The following SNX10 variants were observed in gnomAD, a reference collection of about 807,000 sequenced individuals.
The protein encoded by SNX10 is sorting nexin-10.
A neutral mutation model predicts 28.5 loss-of-function variants in SNX10; 25 were observed. That is an observed-to-expected ratio of 0.88 (90% CI 0.64 to 1.22). SNX10 has a LOEUF of 1.22. Ranked by LOEUF, SNX10 falls within the 50% of genes most tolerant of loss-of-function variation. The pLI is 0.00. For missense variants in SNX10, 223 were observed against 242.6 expected (o/e 0.92, Z 0.54); for synonymous variants, 62 against 81.4 (o/e 0.76, Z 1.28).
chr7:26,370,052 C>T (rs1354196041), intron 5 of SNX10, among the ~76,000 whole-genome samples: 3 of 152,182 alleles, frequency 2.0e-5, no homozygotes, highest in Admixed American at 6.6e-5. Flanking sequence ...AAAGATTACC[C>T]ATTATTTTAT....
At chr7:26,366,283 T>C in intron 5 of SNX10, among the ~76,000 whole-genome samples, 1 of 152,202 alleles carries the variant, frequency 6.6e-6, no homozygotes, top group East Asian at 1.9e-4. Flanking sequence ...GGATATTAAG[T>C]ATGCACATTA....
At position 26,327,726 on chromosome 7, in the gene SNX10, C is replaced by CTTTTTTT. The variant is rs70943293; in HGVS notation, c.-23-18679_-23-18673dup. Among the ~76,000 whole-genome samples the CTTTTTTT allele has an allele frequency of 3.2e-3, 288 of 89,106 alleles. 7 individuals are homozygous for CTTTTTTT. Among genetic ancestry groups the CTTTTTTT allele is most frequent in the African/African-American group, 3.9e-3 (91 of 23,332 alleles). 58.5% of individuals were successfully genotyped at this position (89,106 alleles called of 152,430 possible). On this transcript the variant is annotated intron_variant, in intron 1 of 6. Coordinates refer to ENST00000338523, the MANE Select transcript of SNX10 (RefSeq NM_013322.3). Reference sequence around the variant, plus strand: ...ATTGTATTCATTCATGCATTCTTTTCTTTTTTTTTTTTTTTTTTTTTGAGA... The same window carrying CTTTTTTT: ...ATTGTATTCATTCATGCATTCTTTTCTTTTTTTTTTTTTTTTTTTTTTTTTTTTGAGA...
At chr7:26,370,822 TGTTA>T (rs1376416284) in intron 5 of SNX10, 5 of 152,186 alleles carry the variant, frequency 3.3e-5, no homozygotes, top group Non-Finnish European at 5.9e-5. Context: ...GGTTTTAGTG[TGTTA>T]GTTTTGTCCC....
At chr7:26,350,230 C>G (rs1788543144) in intron 2 of SNX10, among the ~76,000 whole-genome samples, 2 of 152,112 alleles carry the variant, frequency 1.3e-5, no homozygotes, top group African/African-American at 4.8e-5. Flanking sequence ...TTATTGACAC[C>G]TTAGCGATGA....
At chr7:26,295,571 G>A (rs992962472) in intron 1 of SNX10, among the ~76,000 whole-genome samples, 1 of 152,154 alleles carries the variant, frequency 6.6e-6, no homozygotes, top group Admixed American at 6.5e-5. Flanking sequence ...AGGTAAAAAC[G>A]GGACTCAAAC....
chr7:26,298,372 A>C lies in SNX10; in HGVS notation c.-24+6286A>C, dbSNP rs564572624. On this transcript the variant is annotated intron_variant, in intron 1 of 6. Transcript: ENST00000338523. ...TTCACATATATATGTAAAAATGCTT[A>C]ATCTTATTAATAATCAGATAAGTGT... 1.5e-3 allele frequency among the ~76,000 whole-genome samples: 232 copies of C among 152,378 alleles called. 1 individual carries two copies. Among genetic ancestry groups the C allele is most frequent in the African/African-American group, 5.2e-3 (218 of 41,594 alleles).
intron 1 of SNX10, among the ~76,000 whole-genome samples, chr7:26,331,937 A>T (rs1332929566): frequency 6.6e-6 from 1 of 152,214 alleles, no homozygotes; most frequent in Non-Finnish European, 1.5e-5. Flanking sequence ...CATGTATCAG[A>T]ACTTCATTCC....
At chr7:26,363,515 T>C (rs1789167823) in intron 3 of SNX10, among the ~76,000 whole-genome samples, 1 of 152,244 alleles carries the variant, frequency 6.6e-6, no homozygotes, top group Non-Finnish European at 1.5e-5. Flanking sequence ...GAGATACTCA[T>C]ATTTTCAAAA....
intron 2 of SNX10, among the ~76,000 whole-genome samples, chr7:26,348,947 G>T (rs1043292172): frequency 6.6e-6 from 1 of 152,214 alleles, no homozygotes; most frequent in Non-Finnish European, 1.5e-5. Flanking sequence ...TAGAAGTCAA[G>T]AAGAAGCTTT....
At chr7:26,363,116 A>G (rs1283355072) in intron 3 of SNX10, among the ~76,000 whole-genome samples, 1 of 152,202 alleles carries the variant, frequency 6.6e-6, no homozygotes, top group African/African-American at 2.4e-5. Flanking sequence ...CCTAGTCCCC[A>G]AGGAGCACAG....
chr7:26,315,978 C>T (rs946051887), intron 1 of SNX10, among the ~76,000 whole-genome samples: 1 of 150,490 alleles, frequency 6.6e-6, no homozygotes, highest in Admixed American at 6.6e-5. Flanking sequence ...GTCAGGAGAT[C>T]GAGACCATCC....
At chr7:26,293,654 G>GT (rs1472793044) in intron 1 of SNX10, among the ~76,000 whole-genome samples, 9 of 152,204 alleles carry the variant, frequency 5.9e-5, no homozygotes, top group Non-Finnish European at 1.0e-4. Flanking sequence ...TGGTCGTCCT[G>GT]TTTCTTCTAC....
chr7:26,312,760 G>A (rs773052788), intron 1 of SNX10, among the ~76,000 whole-genome samples: 2 of 152,238 alleles, frequency 1.3e-5, no homozygotes, highest in Middle Eastern at 3.4e-3. Context: ...CTCCAGCCTG[G>A]GTGACAGAGT....
chr7:26,360,187 G>A (rs1017991085), intron 2 of SNX10, among the ~76,000 whole-genome samples: 1 of 152,148 alleles, frequency 6.6e-6, no homozygotes, highest in Non-Finnish European at 1.5e-5. Flanking sequence ...TTCTCATGTG[G>A]CTGGGATGCA....
chr7:26,317,304 A>C lies in SNX10; in HGVS notation c.-24+25218A>C, dbSNP rs550723332. Among the ~76,000 whole-genome samples the C allele has an allele frequency of 2.6e-5, 4 of 152,294 alleles. No individual in the cohort carries two copies. In the South Asian group the frequency reaches 8.3e-4, roughly 32 times the overall value. On this transcript the variant is annotated intron_variant, in intron 1 of 6. Transcript: ENST00000338523. ...ATTTGAAAAGTGAGTAGGGTTAACT[A>C]GTGACAGATGGATTTGAATTCCAGC...
intron 5 of SNX10, among the ~76,000 whole-genome samples, chr7:26,370,089 G>C (rs1562823650): frequency 6.6e-6 from 1 of 152,082 alleles, no homozygotes; most frequent in East Asian, 1.9e-4. Flanking sequence ...ATTTCCAACA[G>C]AAACAAAGCC....
chr7:26,372,682 G>A lies in SNX10; in HGVS notation c.*110G>A. The A allele has an allele frequency of 1.5e-6, 1 of 678,804 alleles. No homozygotes were observed. Among genetic ancestry groups the A allele is most frequent in the Non-Finnish European group, 2.6e-6 (1 of 383,638 alleles). The allele number at this position is 678,804 out of a possible 1,614,324, so 42.0% of individuals were successfully genotyped here. A position where few individuals can be genotyped will look rare whatever the true frequency, so the allele number is the denominator to read the frequency against. On this transcript the variant is annotated 3_prime_UTR_variant, in exon 7 of 7. Transcript: ENST00000338523. ...CTAAAGCTCACTGTCATGATGTTAGGTATTTAAATTCTTAAAGATGTTGGG... is the reference window on the plus strand; with the variant it reads ...CTAAAGCTCACTGTCATGATGTTAGATATTTAAATTCTTAAAGATGTTGGG...
chr7:26,339,847 G>A (rs972449606), intron 1 of SNX10, among the ~76,000 whole-genome samples: 6 of 136,286 alleles, frequency 4.4e-5, no homozygotes, highest in Non-Finnish European at 9.2e-5. Flanking sequence ...CCACCTGGCC[G>A]ATCTTTTTTT....
At chr7:26,314,440 G>T (rs1786986379) in intron 1 of SNX10, among the ~76,000 whole-genome samples, 3 of 152,058 alleles carry the variant, frequency 2.0e-5, no homozygotes, top group African/African-American at 7.2e-5. Context: ...ATTTTTAGTA[G>T]ATGGAGTTTT....
Sources: gnomAD v4.1 joint callset for allele counts (sites outside exome capture counted in the v4.1 genomes callset) on GRCh38, gnomAD v4.1.1 for gene constraint, MANE v1.5 for transcripts, NCBI Gene and HGNC (gene_info 2026-07-23, HGNC 2026-07-21) for gene names.